The following CRIM1 variants were observed in gnomAD, a reference collection of about 807,000 sequenced individuals.
The protein encoded by CRIM1 is cysteine rich transmembrane BMP regulator 1.
In CRIM1, 32 loss-of-function variants were observed where a neutral mutation model predicts 116.4. That is an observed-to-expected ratio of 0.27 (90% CI 0.21 to 0.37). CRIM1 has a LOEUF of 0.37. CRIM1 is among the 10% of genes least tolerant of loss of function. The probability of loss-of-function intolerance (pLI) is 1.00; values close to 1 mark genes in which losing one functional copy is unlikely to be tolerated. For synonymous variants in CRIM1, 590 were observed against 509.2 expected (o/e 1.16, Z -2.13); for missense variants, 1,331 against 1,354.8 (o/e 0.98, Z 0.28).
At chr2:36,372,407 T>C (rs1670004376) in intron 1 of CRIM1, among the ~76,000 whole-genome samples, 1 of 152,134 alleles carries the variant, frequency 6.6e-6, no homozygotes, top group Non-Finnish European at 1.5e-5. Context: ...TATAAGTTCT[T>C]TGTTTGTTTT....
chr2:36,463,438 C>G (rs1476949402), intron 4 of CRIM1, among the ~76,000 whole-genome samples: 1 of 152,136 alleles, frequency 6.6e-6, no homozygotes, highest in Non-Finnish European at 1.5e-5. Flanking sequence ...TGACCTCTAC[C>G]GTATGTAAAT....
Position 36,477,035 on chromosome 2 carries a change from T to C in CRIM1, c.1138T>C (p.Tyr380His). Reference sequence around the variant, plus strand: ...TGGTGAGATAAACTGCGAGAGGTACTACGTGCCCGAAGGAGAGTGCTGCCC... The same window carrying C: ...TGGTGAGATAAACTGCGAGAGGTACCACGTGCCCGAAGGAGAGTGCTGCCC... ...QCGEINCERYYVPEGECCPVC... is the reference protein window; with the variant it reads ...QCGEINCERYHVPEGECCPVC... Residue 380 changes from tyrosine to histidine, a missense_variant, in exon 6 of 17, where the codon TAC becomes CAC. By Grantham distance (83) the Tyr-to-His change is moderately conservative. This residue lies in a region of CRIM1 where 690 missense variants were observed against 676.0 expected (regional missense o/e 1.02). Transcript: ENST00000280527. The C allele has an allele frequency of 6.2e-7, 1 of 1,613,540 alleles. No homozygotes were observed. The highest frequency in any genetic ancestry group is 8.5e-7 in the Non-Finnish European group (1 of 1,179,708).
intron 7 of CRIM1, among the ~76,000 whole-genome samples, chr2:36,483,347 G>A (rs963267973): frequency 6.6e-6 from 1 of 152,148 alleles, no homozygotes; most frequent in South Asian, 2.1e-4. Flanking sequence ...CATCTGCAGG[G>A]CCACTGTTAT....
intron 8 of CRIM1, among the ~76,000 whole-genome samples, chr2:36,505,939 T>C (rs1681361670): frequency 6.6e-6 from 1 of 152,206 alleles, no homozygotes; most frequent in African/African-American, 2.4e-5. Context: ...GCAGTGTTTA[T>C]TGTTGTACGT....
At chr2:36,400,669 A>G (rs1447158059) in intron 2 of CRIM1, among the ~76,000 whole-genome samples, 1 of 152,192 alleles carries the variant, frequency 6.6e-6, no homozygotes, top group Non-Finnish European at 1.5e-5. Context: ...GAAAAAGAGT[A>G]ATCAGGTACT....
At chr2:36,447,240 T>C (rs1021360006) in intron 4 of CRIM1, among the ~76,000 whole-genome samples, 1 of 149,684 alleles carries the variant, frequency 6.7e-6, no homozygotes, top group Non-Finnish European at 1.5e-5. Flanking sequence ...GGTTTTTTAA[T>C]TTTTTTTTTA....
intron 8 of CRIM1, among the ~76,000 whole-genome samples, chr2:36,500,557 C>A (rs113780484): frequency 6.6e-6 from 1 of 152,046 alleles, no homozygotes; most frequent in Non-Finnish European, 1.5e-5. Context: ...CCAAATATAA[C>A]AAGAAATTAT....
At chr2:36,401,259 A>G (rs986615661) in intron 2 of CRIM1, among the ~76,000 whole-genome samples, 4 of 152,194 alleles carry the variant, frequency 2.6e-5, no homozygotes, top group Admixed American at 6.5e-5. Flanking sequence ...ATACTTGAAC[A>G]TATCACCATA....
chr2:36,404,195 AAC>A (rs1672618747), intron 2 of CRIM1, among the ~76,000 whole-genome samples: 1 of 152,190 alleles, frequency 6.6e-6, no homozygotes, highest in Non-Finnish European at 1.5e-5. Flanking sequence ...GAAAGTCTAA[AAC>A]ACAATTGCCA....
intron 8 of CRIM1, among the ~76,000 whole-genome samples, chr2:36,507,043 A>C (rs770377160): frequency 7.2e-4 from 110 of 152,152 alleles, no homozygotes; most frequent in Non-Finnish European, 1.0e-3. Context: ...ATTTTCTGGC[A>C]GAGGCAAGGT....
intron 14 of CRIM1, 76 bp from the exon 15 acceptor site, chr2:36,544,300 C>G: frequency 8.0e-7 from 1 of 1,249,214 alleles, no homozygotes; most frequent in Non-Finnish European, 1.0e-6. Context: ...TTGAGTGCAC[C>G]ATTTGGATTG....
In CRIM1 at chr2:36,479,654, C is replaced by T. The variant is rs760990343; in HGVS notation, c.1332C>T (p.Asn444=). 35 of 1,614,208 alleles carry T rather than the reference C, an allele frequency of 2.2e-5. No individual in the cohort carries two copies. The East Asian group carries it at 7.8e-4, about 36-fold the overall frequency. ...VATVCGQTCT[N]PVKVPGECCP... Reference sequence around the variant, plus strand: ...CCGTCTGCGGACAGACCTGCACAAACCCTGTGAAAGTGCCTGGGGAGTGTT... The same window carrying T: ...CCGTCTGCGGACAGACCTGCACAAATCCTGTGAAAGTGCCTGGGGAGTGTT... The change falls in exon 7 of 17, where the codon AAC becomes AAT. Residue 444 remains asparagine, a synonymous_variant. Transcript: ENST00000280527.
At chr2:36,459,318 A>G (rs971959719) in intron 4 of CRIM1, among the ~76,000 whole-genome samples, 14 of 152,304 alleles carry the variant, frequency 9.2e-5, no homozygotes, top group East Asian at 3.9e-4. Flanking sequence ...CTTTCCTTCC[A>G]CATACTAATT....
chr2:36,405,799 G>A (rs1672735840), intron 2 of CRIM1, among the ~76,000 whole-genome samples: 1 of 151,880 alleles, frequency 6.6e-6, no homozygotes, highest in Non-Finnish European at 1.5e-5. Flanking sequence ...GTTAATACAT[G>A]GTAATGATTT....
intron 5 of CRIM1, among the ~76,000 whole-genome samples, chr2:36,472,183 T>G (rs1469817763): frequency 6.6e-6 from 1 of 152,210 alleles, no homozygotes; most frequent in Non-Finnish European, 1.5e-5. Flanking sequence ...CAGTAAATTA[T>G]TTCTTCATAA....
At chr2:36,466,121 C>T (rs1678005109) in intron 5 of CRIM1, among the ~76,000 whole-genome samples, 1 of 152,144 alleles carries the variant, frequency 6.6e-6, no homozygotes, top group South Asian at 2.1e-4. Context: ...CTCCTGCCCT[C>T]GTGATCCACC....
At chr2:36,411,231 A>C (rs60570643) in intron 2 of CRIM1, among the ~76,000 whole-genome samples, 3 of 152,126 alleles carry the variant, frequency 2.0e-5, no homozygotes, top group Non-Finnish European at 4.4e-5. Context: ...TTCAAATACA[A>C]TTATTATGTG....
At chr2:36,495,860 T>C (rs1209892895) in intron 7 of CRIM1, among the ~76,000 whole-genome samples, 1 of 152,134 alleles carries the variant, frequency 6.6e-6, no homozygotes, top group African/African-American at 2.4e-5. Context: ...GATTTTTTTC[T>C]AGATAATTCA....
chr2:36,463,971 C>G (rs763135462), intron 4 of CRIM1, among the ~76,000 whole-genome samples: 6 of 152,122 alleles, frequency 3.9e-5, no homozygotes, highest in Non-Finnish European at 8.8e-5. Context: ...TGTGCACAGT[C>G]ATAAATTAAA....
Sources: gnomAD v4.1 joint callset for allele counts (sites outside exome capture counted in the v4.1 genomes callset) on GRCh38, gnomAD v4.1.1 for gene constraint, gnomAD v4.1.1 regional missense constraint, MANE v1.5 for transcripts, NCBI Gene and HGNC (gene_info 2026-07-23, HGNC 2026-07-21) for gene names.